WLS: variants seen among roughly 807,000 people sequenced by gnomAD.
WLS encodes protein wntless homolog.
A neutral mutation model predicts 62.8 loss-of-function variants in WLS; 23 were observed. That is an observed-to-expected ratio of 0.37 (90% CI 0.26 to 0.52). The LOEUF (loss-of-function observed/expected upper bound fraction) is 0.52, where lower values mean the gene tolerates loss of function less well. WLS is among the 20% of genes least tolerant of loss of function. WLS has a pLI of 0.92. For synonymous variants in WLS, 246 were observed against 244.1 expected (o/e 1.01, Z -0.07); for missense variants, 615 against 697.3 (o/e 0.88, Z 1.33).
At chr1:68,128,829 A>G (rs775622153) in intron 11 of WLS, among the ~76,000 whole-genome samples, 9 of 152,172 alleles carry the variant, frequency 5.9e-5, no homozygotes, top group Non-Finnish European at 1.0e-4. Flanking sequence ...CTGCCGATGA[A>G]GAAACTGAGG....
At chr1:68,199,903 C>A (rs1009623683) in intron 1 of WLS, among the ~76,000 whole-genome samples, 2 of 152,090 alleles carry the variant, frequency 1.3e-5, no homozygotes, top group African/African-American at 2.4e-5. Flanking sequence ...CCACAAATGG[C>A]CCCAAAGAGC....
rs1265530362 is a variant in WLS at position 68,180,666 on chromosome 1, C to A, written c.379+13289G>T. 3.3e-5 allele frequency among the ~76,000 whole-genome samples: 5 copies of A among 152,284 alleles called. No individual in the cohort carries two copies. The East Asian group carries it at 9.7e-4, about 29-fold the overall frequency. On this transcript the variant is annotated intron_variant, in intron 2 of 11. Coordinates refer to ENST00000262348, the MANE Select transcript of WLS (RefSeq NM_024911.7). ...TTGGATTACCAATAAATAGCATGGG[C>A]TCCCAGAGCTCAGGGCCTTCACAGC...
intron 5 of WLS, 52 bp downstream of exon 5, chr1:68,153,465 C>G: frequency 1.2e-6 from 2 of 1,608,742 alleles, no homozygotes; most frequent in East Asian, 4.5e-5. Flanking sequence ...AAGAGCTTGG[C>G]AGATCATGAG....
intron 9 of WLS, among the ~76,000 whole-genome samples, chr1:68,145,252 GAATTA>G (rs1353435367): frequency 6.6e-6 from 1 of 152,124 alleles, no homozygotes; most frequent in African/African-American, 2.4e-5. Flanking sequence ...TTTCATACAG[GAATTA>G]GGCTTGTTTC....
At chr1:68,140,799 A>G (rs1406226130) in intron 10 of WLS, among the ~76,000 whole-genome samples, 1 of 152,058 alleles carries the variant, frequency 6.6e-6, no homozygotes, top group Non-Finnish European at 1.5e-5. Flanking sequence ...TCCTCTCCCA[A>G]TTATTCATGC....
chr1:68,157,410 GT>G (rs1241860346), intron 3 of WLS, among the ~76,000 whole-genome samples: 1 of 152,160 alleles, frequency 6.6e-6, no homozygotes, highest in Non-Finnish European at 1.5e-5. Flanking sequence ...AGACAAGTTC[GT>G]TGTATCCTGT....
intron 2 of WLS, among the ~76,000 whole-genome samples, chr1:68,187,164 G>A (rs1403375706): frequency 4.2e-5 from 5 of 117,982 alleles, no homozygotes; most frequent in African/African-American, 1.8e-4. Context: ...ACTCCAGCCT[G>A]GGGGACAGAG....
At chr1:68,197,074 T>C (rs1416379759) in intron 1 of WLS, among the ~76,000 whole-genome samples, 2 of 152,146 alleles carry the variant, frequency 1.3e-5, no homozygotes, top group African/African-American at 4.8e-5. Flanking sequence ...AAAATGAACC[T>C]AACCTTTTTT....
At chr1:68,138,036 C>T in intron 10 of WLS, 103 bp from the exon 11 acceptor site, 1 of 1,417,702 alleles carries the variant, frequency 7.1e-7, no homozygotes, top group South Asian at 1.3e-5. Flanking sequence ...GTCTCTTCTA[C>T]ATGTGGGAAA....
chr1:68,162,769 T>C, intron 2 of WLS: 1 of 1,092,670 alleles, frequency 9.2e-7, no homozygotes, highest in East Asian at 2.3e-5. Flanking sequence ...CACGTTATCG[T>C]AGCCACTGCC....
At chr1:68,208,790 A>G (rs953207080) in intron 1 of WLS, among the ~76,000 whole-genome samples, 28 of 152,202 alleles carry the variant, frequency 1.8e-4, no homozygotes, top group African/African-American at 6.8e-4. Flanking sequence ...CATACATGAC[A>G]TGGGGAACAT....
At chr1:68,171,836 T>G (rs1647158505) in intron 2 of WLS, among the ~76,000 whole-genome samples, 1 of 152,236 alleles carries the variant, frequency 6.6e-6, no homozygotes, top group Admixed American at 6.5e-5. Flanking sequence ...GGATTATAAA[T>G]CATTCTACTA....
In WLS at chr1:68,153,564, A is replaced by G. The variant is rs1646855981; in HGVS notation, c.756T>C (p.Tyr252=). Residue 252 remains tyrosine (Y), a synonymous_variant, in exon 5 of 12, where the codon TAT becomes TAC. Coordinates refer to ENST00000262348, the MANE Select transcript of WLS (RefSeq NM_024911.7). ...GGGACATCATGGTGATCCTCCTCCA[A>G]TACCACACCATAATGATGAAGATGC... ...TPSIFIIMVW[Y]WRRITMMSRP... The G allele has an allele frequency of 6.2e-7, 1 of 1,614,182 alleles. No homozygotes were observed. Among genetic ancestry groups the G allele is most frequent in the Non-Finnish European group, 8.5e-7 (1 of 1,180,040 alleles).
intron 2 of WLS, among the ~76,000 whole-genome samples, chr1:68,172,720 T>C (rs914512997): frequency 1.3e-5 from 2 of 152,116 alleles, no homozygotes; most frequent in African/African-American, 4.8e-5. Flanking sequence ...ACCAATGAAT[T>C]GCAGAATAGG....
rs777224373 is a variant in WLS, at chr1:68,200,739, C to T, written c.107-6512G>A. On this transcript the variant is annotated intron_variant, in intron 1 of 11. Coordinates refer to ENST00000262348, the MANE Select transcript of WLS (RefSeq NM_024911.7). ...TTACTTTGAAATGTAGAGAAAACCTCCATTGCACTATGAATGGTATTTATA... is the reference window on the plus strand; with the variant it reads ...TTACTTTGAAATGTAGAGAAAACCTTCATTGCACTATGAATGGTATTTATA... Among the ~76,000 whole-genome samples, 39 of 152,150 alleles carry T rather than the reference C, an allele frequency of 2.6e-4. 1 individual carries two copies. The highest frequency in any genetic ancestry group is 9.2e-4 in the Admixed American group (14 of 15,272).
chr1:68,098,906 T>C, intron 11 of WLS: 2 of 1,174,724 alleles, frequency 1.7e-6, no homozygotes, highest in Non-Finnish European at 2.3e-6. Flanking sequence ...GACTGTGTCC[T>C]TCATTGTGGG....
intron 1 of WLS, among the ~76,000 whole-genome samples, chr1:68,226,688 A>G (rs997093087): frequency 6.6e-6 from 1 of 152,106 alleles, no homozygotes; most frequent in Non-Finnish European, 1.5e-5. Flanking sequence ...CTCAAGCTCC[A>G]TGTCTCCTCT....
chr1:68,193,803 C>T (rs1648501610), intron 2 of WLS, 152 bp downstream of exon 2: 4 of 992,798 alleles, frequency 4.0e-6, no homozygotes, highest in Admixed American at 5.6e-5. Context: ...TGGGTTAATA[C>T]AGGTAAAGTA....
chr1:68,230,938 C>A (rs1047026255), intron 1 of WLS, among the ~76,000 whole-genome samples: 2 of 152,140 alleles, frequency 1.3e-5, no homozygotes, highest in African/African-American at 4.8e-5. Context: ...ACGCCGCCGG[C>A]GCCCCCGGGC....
Sources: gnomAD v4.1 joint callset for allele counts (sites outside exome capture counted in the v4.1 genomes callset) on GRCh38, gnomAD v4.1.1 for gene constraint, MANE v1.5 for transcripts, NCBI Gene and HGNC (gene_info 2026-07-23, HGNC 2026-07-21) for gene names.